DAPL1: variants seen among roughly 807,000 people sequenced by gnomAD.
The protein encoded by DAPL1 is death associated protein like 1.
In DAPL1, 17 loss-of-function variants were observed where a neutral mutation model predicts 12.9. The observed-to-expected ratio is 1.32, with a 90% confidence interval of 0.90 to 1.98. DAPL1 has a LOEUF of 1.98. DAPL1 is among the 30% of genes most tolerant of loss of function. The pLI, the probability that DAPL1 is intolerant of heterozygous loss-of-function variation, is 0.00. For missense variants in DAPL1, 157 were observed against 125.7 expected, an observed-to-expected ratio of 1.25 and a Z score of -1.19; for synonymous variants, 51 against 42.0, an observed-to-expected ratio of 1.21 and a Z score of -0.82.
At position 158,804,297 on chromosome 2, in the gene DAPL1, T is replaced by A. The variant is rs762205995; in HGVS notation, c.74T>A (p.Met25Lys). ...GHPPAVKAGG[M>K]RISKKQEIGT... ...CTGTTTGTAGTAAAAGCTGGAGGAA[T>A]GAGAATTTCCAAAAAACAAGAAATT... The change falls in exon 2 of 4, where the codon ATG becomes AAG. Residue 25 changes from methionine (M) to lysine (K), a missense_variant. Physicochemically the swap from Met to Lys is moderately conservative, Grantham distance 95 (BLOSUM62 -1). Coordinates refer to ENST00000309950, the MANE Select transcript of DAPL1 (RefSeq NM_001017920.3). 6.2e-7 allele frequency: 1 copy of A among 1,609,660 alleles called. No homozygotes were observed. The highest frequency in any genetic ancestry group is 2.2e-5 in the East Asian group (1 of 44,860).
chr2:158,795,839 CT>C (rs1443552524), intron 1 of DAPL1, among the ~76,000 whole-genome samples: 1 of 152,202 alleles, frequency 6.6e-6, no homozygotes, highest in Non-Finnish European at 1.5e-5. Context: ...AAGACTCAGT[CT>C]CCCCAAGATG....
chr2:158,795,606 C>T (rs1359778655), intron 1 of DAPL1, among the ~76,000 whole-genome samples, 176 bp downstream of exon 1: 1 of 152,176 alleles, frequency 6.6e-6, no homozygotes, highest in Non-Finnish European at 1.5e-5. Flanking sequence ...TATGTAAATC[C>T]ACCCGGGGAT....
At position 158,815,854 on chromosome 2, in the gene DAPL1, T is replaced by C. The variant is rs776194887; in HGVS notation, c.*33T>C. ...TTTAAAACACAGCCGTCTGGCCAGC[T>C]GCCTCGAATATCTGACAGCTTAGCA... On this transcript the variant is annotated 3_prime_UTR_variant, in exon 4 of 4. Transcript: ENST00000309950. The C allele has an allele frequency of 6.8e-7, 1 of 1,478,416 alleles. No homozygotes were observed. Among genetic ancestry groups the C allele is most frequent in the Non-Finnish European group, 9.5e-7 (1 of 1,055,812 alleles). The allele number at this position is 1,478,416 out of a possible 1,614,324, so 91.6% of individuals were successfully genotyped here.
intron 3 of DAPL1, among the ~76,000 whole-genome samples, chr2:158,812,154 C>G (rs1239766995): frequency 6.6e-6 from 1 of 152,154 alleles, no homozygotes; most frequent in Non-Finnish European, 1.5e-5. Context: ...CTCTGGGCAC[C>G]CCAAAAGCTG....
In DAPL1 at chr2:158,814,281, T is replaced by A. The variant is rs377026501; in HGVS notation, c.208-1424T>A. Among the ~76,000 whole-genome samples, 43 of 152,276 alleles carry A rather than the reference T, an allele frequency of 2.8e-4. 1 individual carries two copies. The highest frequency in any genetic ancestry group is 2.7e-3 in the East Asian group (14 of 5,180). On this transcript the variant is annotated intron_variant, in intron 3 of 3. Coordinates refer to ENST00000309950, the MANE Select transcript of DAPL1 (RefSeq NM_001017920.3). ...GCATGTCATATGGTCTGATGATAAC[T>A]GACCTGACAAAAAAAAAAGTCATCA...
intron 1 of DAPL1, among the ~76,000 whole-genome samples, chr2:158,801,248 A>C (rs576482688): frequency 2.8e-4 from 43 of 152,334 alleles, no homozygotes; most frequent in African/African-American, 1.0e-3. Context: ...GGGAAAGCAA[A>C]AGGAACACTA....
At chr2:158,811,175 C>A (rs1394070513) in intron 3 of DAPL1, among the ~76,000 whole-genome samples, 4 of 152,156 alleles carry the variant, frequency 2.6e-5, no homozygotes, top group Non-Finnish European at 5.9e-5. Context: ...GACTTTGGGT[C>A]ACCACTGCCA....
intron 1 of DAPL1, among the ~76,000 whole-genome samples, chr2:158,802,170 G>C (rs530215832): frequency 6.6e-6 from 1 of 152,304 alleles, no homozygotes; most frequent in South Asian, 2.1e-4. Flanking sequence ...TTCTAAACTG[G>C]TGCAACCTCT....
At chr2:158,812,155 C>G (rs2059234341) in intron 3 of DAPL1, among the ~76,000 whole-genome samples, 2 of 152,188 alleles carry the variant, frequency 1.3e-5, no homozygotes, top group Non-Finnish European at 2.9e-5. Context: ...TCTGGGCACC[C>G]CAAAAGCTGT....
At chr2:158,804,085 C>T (rs574497643) in intron 1 of DAPL1, among the ~76,000 whole-genome samples, 197 bp from the exon 2 acceptor site, 49 of 152,300 alleles carry the variant, frequency 3.2e-4, no homozygotes, top group African/African-American at 1.2e-3. Context: ...AAACAAGTAG[C>T]TCTCAGCCCT....
chr2:158,811,798 A>G (rs2105156467), intron 3 of DAPL1, among the ~76,000 whole-genome samples: 1 of 152,350 alleles, frequency 6.6e-6, no homozygotes, highest in East Asian at 1.9e-4. Flanking sequence ...TTTTACAAAG[A>G]CTAATGATGA....
At chr2:158,811,849 A>T (rs897039486) in intron 3 of DAPL1, among the ~76,000 whole-genome samples, 12 of 152,230 alleles carry the variant, frequency 7.9e-5, no homozygotes, top group Non-Finnish European at 1.6e-4. Context: ...TCAGACTAAA[A>T]CACAGCTGGC....
intron 1 of DAPL1, among the ~76,000 whole-genome samples, chr2:158,798,576 T>A (rs535472287): frequency 6.6e-6 from 1 of 152,138 alleles, no homozygotes; most frequent in Admixed American, 6.5e-5. Context: ...AGATGGGTGA[T>A]GTTTCACGGA....
intron 3 of DAPL1, among the ~76,000 whole-genome samples, chr2:158,813,365 A>T (rs1025825247): frequency 6.6e-6 from 1 of 152,188 alleles, no homozygotes; most frequent in Non-Finnish European, 1.5e-5. Context: ...CTAACTGTAC[A>T]CACACTTTAA....
intron 2 of DAPL1, among the ~76,000 whole-genome samples, chr2:158,806,847 A>AAAT (rs34097395): frequency 1.0e-4 from 15 of 145,344 alleles, no homozygotes; most frequent in Non-Finnish European, 1.5e-4. Context: ...AGAAAAAAAA[A>AAAT]AATAATAATA....
intron 1 of DAPL1, among the ~76,000 whole-genome samples, chr2:158,800,629 A>G (rs2059162166): frequency 6.6e-6 from 1 of 152,180 alleles, no homozygotes; most frequent in Admixed American, 6.5e-5. Context: ...TTTCCTCACC[A>G]GTAAACTGCT....
chr2:158,805,461 A>G (rs1202961872), intron 2 of DAPL1, among the ~76,000 whole-genome samples: 2 of 152,196 alleles, frequency 1.3e-5, no homozygotes, highest in African/African-American at 4.8e-5. Flanking sequence ...TAGTGAATGC[A>G]TTCTGTAAAT....
In DAPL1 at chr2:158,804,349, A is replaced by C; in HGVS notation, c.126A>C (p.Lys42Asn). The change falls in exon 2 of 4, where the codon AAA becomes AAC. Residue 42 changes from lysine (K) to asparagine (N), a missense_variant. Physicochemically the swap from Lys to Asn is moderately conservative, Grantham distance 94. Coordinates refer to ENST00000309950, the MANE Select transcript of DAPL1 (RefSeq NM_001017920.3). ...EIGTLERHTKKTGFEKTSAIA... is the reference protein window; with the variant it reads ...EIGTLERHTKNTGFEKTSAIA... ...GCACCTTGGAAAGACATACCAAAAA[A>C]ACAGGATTCGAGAAAACAAGGTAGG... 6.2e-7 allele frequency: 1 copy of C among 1,611,262 alleles called. No individual in the cohort carries two copies.
chr2:158,815,787 G>C lies in DAPL1; in HGVS notation c.290G>C (p.Arg97Thr). 1 of 1,613,840 alleles carries C rather than the reference G, an allele frequency of 6.2e-7. No individual in the cohort carries two copies. The highest frequency in any genetic ancestry group is 8.5e-7 in the Non-Finnish European group (1 of 1,179,730). ...CTGGAAAAGGTTGTTCCACTGAAAAGGATCTACATTATTCAGCAGCCTCGA... is the reference window on the plus strand; with the variant it reads ...CTGGAAAAGGTTGTTCCACTGAAAACGATCTACATTATTCAGCAGCCTCGA... ...PALEKVVPLKRIYIIQQPRKC is the reference protein window; with the variant it reads ...PALEKVVPLKTIYIIQQPRKC Residue 97 changes from arginine to threonine, a missense_variant, in exon 4 of 4, where the codon AGG (arginine) becomes ACG (threonine). Arg to Thr is a moderately conservative substitution (Grantham distance 71). Coordinates refer to ENST00000309950, the MANE Select transcript of DAPL1 (RefSeq NM_001017920.3).
Sources: allele counts gnomAD v4.1 joint callset (sites outside exome capture counted in the v4.1 genomes callset), GRCh38; gene constraint gnomAD v4.1.1; transcripts MANE v1.5; gene names NCBI Gene and HGNC (gene_info 2026-07-23, HGNC 2026-07-21).